Variants in PPP3CA observed in about 807,000 individuals in gnomAD.
PPP3CA encodes protein phosphatase 3 catalytic subunit alpha, also known as CAM-PRP catalytic subunit.
PPP3CA carries 14 observed loss-of-function variants against 66.5 expected under a neutral mutation model. That is an observed-to-expected ratio of 0.21 (90% CI 0.14 to 0.33). PPP3CA has a LOEUF of 0.33. PPP3CA is among the 10% of genes least tolerant of loss of function. The pLI, the probability that PPP3CA is intolerant of heterozygous loss-of-function variation, is 1.00. For synonymous variants in PPP3CA, 232 were observed against 226.2 expected (o/e 1.03, Z -0.23); for missense variants, 317 against 639.5 (o/e 0.50, Z 5.44).
chr4:101,234,313 C>T (rs1180436890), intron 1 of PPP3CA, among the ~76,000 whole-genome samples: 6 of 151,758 alleles, frequency 4.0e-5, no homozygotes, highest in Non-Finnish European at 5.9e-5. Context: ...TGCCTCACTG[C>T]TTTTCACAAT....
intron 1 of PPP3CA, among the ~76,000 whole-genome samples, chr4:101,291,865 A>C (rs569611882): frequency 3.3e-4 from 51 of 152,260 alleles, no homozygotes; most frequent in African/African-American, 1.2e-3. Flanking sequence ...ACAGTGGCTC[A>C]CACCTGTAAT....
intron 2 of PPP3CA, among the ~76,000 whole-genome samples, chr4:101,123,710 A>C (rs1272597596): frequency 6.6e-6 from 1 of 152,170 alleles, no homozygotes; most frequent in Admixed American, 6.5e-5. Flanking sequence ...CAAGGGATAG[A>C]TAATCAGGGT....
chr4:101,254,226 A>G (rs1213754064), intron 1 of PPP3CA, among the ~76,000 whole-genome samples: 2 of 152,014 alleles, frequency 1.3e-5, no homozygotes, highest in Non-Finnish European at 2.9e-5. Context: ...GGGAGGATAT[A>G]GCTGGGTCCA....
At chr4:101,050,928 G>A (rs1727981618) in intron 10 of PPP3CA, among the ~76,000 whole-genome samples, 1 of 152,094 alleles carries the variant, frequency 6.6e-6, no homozygotes, top group Admixed American at 6.6e-5. Context: ...TGTATTATGT[G>A]ATCTTGGTGA....
intron 2 of PPP3CA, among the ~76,000 whole-genome samples, chr4:101,141,424 C>T (rs540822784): frequency 6.6e-6 from 1 of 152,140 alleles, no homozygotes; most frequent in African/African-American, 2.4e-5. Flanking sequence ...GTTATGGCCC[C>T]CACTCCTTCT....
At chr4:101,194,119 T>C (rs1030406026) in intron 2 of PPP3CA, among the ~76,000 whole-genome samples, 3 of 152,174 alleles carry the variant, frequency 2.0e-5, no homozygotes, top group Admixed American at 6.6e-5. Context: ...GGTCCAATAT[T>C]GGGTTAATGT....
At chr4:101,141,004 A>G (rs566516468) in intron 2 of PPP3CA, among the ~76,000 whole-genome samples, 40 of 152,342 alleles carry the variant, frequency 2.6e-4, no homozygotes, top group Non-Finnish European at 5.7e-4. Flanking sequence ...ATGAGTCAAA[A>G]AAGAGGCTAA....
intron 2 of PPP3CA, among the ~76,000 whole-genome samples, chr4:101,177,241 T>G (rs1461364741): frequency 6.6e-6 from 1 of 152,124 alleles, no homozygotes; most frequent in East Asian, 1.9e-4. Context: ...TTTTAAAGGG[T>G]AGCAGGAGGA....
intron 2 of PPP3CA, among the ~76,000 whole-genome samples, chr4:101,139,122 A>C (rs1036663702): frequency 6.0e-4 from 92 of 152,258 alleles, no homozygotes; most frequent in African/African-American, 2.1e-3. Flanking sequence ...AGGCAGGTGG[A>C]TCACAACGTC....
At chr4:101,094,532 A>G (rs1253032003) in intron 5 of PPP3CA, among the ~76,000 whole-genome samples, 1 of 152,178 alleles carries the variant, frequency 6.6e-6, no homozygotes, top group African/African-American at 2.4e-5. Flanking sequence ...TTCTAATGAT[A>G]AACTACAAGC....
intron 1 of PPP3CA, among the ~76,000 whole-genome samples, chr4:101,265,351 T>C (rs1446634108): frequency 6.6e-6 from 1 of 152,120 alleles, no homozygotes; most frequent in African/African-American, 2.4e-5. Flanking sequence ...TCAAGTAATC[T>C]TTCCACCTCA....
chr4:101,070,836 T>C (rs1006194195), intron 8 of PPP3CA, among the ~76,000 whole-genome samples: 1 of 152,226 alleles, frequency 6.6e-6, no homozygotes, highest in Admixed American at 6.5e-5. Context: ...GTAGCTCAAG[T>C]CCAGTTAAAC....
chr4:101,081,126 A>T (rs867401479), intron 7 of PPP3CA, among the ~76,000 whole-genome samples: 1 of 152,146 alleles, frequency 6.6e-6, no homozygotes, highest in Non-Finnish European at 1.5e-5. Context: ...TTTAAGAAGA[A>T]TGTCCCCTTA....
chr4:101,075,353 C>T (rs991521468), intron 8 of PPP3CA, among the ~76,000 whole-genome samples: 1 of 152,154 alleles, frequency 6.6e-6, no homozygotes, highest in Admixed American at 6.5e-5. Flanking sequence ...ATTAGACTTT[C>T]CTCTCAAATC....
At chr4:101,204,438 C>T (rs576408934) in intron 1 of PPP3CA, among the ~76,000 whole-genome samples, 3 of 152,154 alleles carry the variant, frequency 2.0e-5, no homozygotes, top group African/African-American at 7.2e-5. Context: ...AGATCAAGAC[C>T]ATCCTGGCTA....
intron 8 of PPP3CA, among the ~76,000 whole-genome samples, chr4:101,076,053 T>C (rs556076934): frequency 1.3e-5 from 2 of 152,268 alleles, no homozygotes; most frequent in African/African-American, 4.8e-5. Context: ...TTTTTAAAAA[T>C]TGAAGCTATG....
At chr4:101,126,603 T>C (rs923710805) in intron 2 of PPP3CA, among the ~76,000 whole-genome samples, 1 of 152,194 alleles carries the variant, frequency 6.6e-6, no homozygotes, top group Non-Finnish European at 1.5e-5. Context: ...ATTATGATAA[T>C]AGACCTCTTT....
intron 2 of PPP3CA, among the ~76,000 whole-genome samples, chr4:101,192,143 C>G (rs1187524769): frequency 6.6e-6 from 1 of 152,174 alleles, no homozygotes; most frequent in African/African-American, 2.4e-5. Flanking sequence ...CACAAATCAT[C>G]TTACTGTTTT....
intron 1 of PPP3CA, among the ~76,000 whole-genome samples, chr4:101,298,843 G>C (rs1436164177): frequency 1.4e-4 from 2 of 14,666 alleles, no homozygotes; most frequent in Admixed American, 1.2e-3. Context: ...AGGGTCTACT[G>C]TGTGTGTGTG....
Sources: gnomAD v4.1 joint callset for allele counts (sites outside exome capture counted in the v4.1 genomes callset) on GRCh38, gnomAD v4.1.1 for gene constraint, MANE v1.5 for transcripts, NCBI Gene and HGNC (gene_info 2026-07-23, HGNC 2026-07-21) for gene names.